The following RBCK1 variants were observed in gnomAD, a reference collection of about 807,000 sequenced individuals.
RBCK1 encodes RANBP2-type and C3HC4-type zinc finger containing 1, also known as ranBP-type and C3HC4-type zinc finger-containing protein 1.
A neutral mutation model predicts 71.1 loss-of-function variants in RBCK1; 44 were observed. The ratio of observed to expected loss-of-function variants is 0.62; its 90% CI spans 0.49 to 0.80. RBCK1 has a LOEUF of 0.80. Ranked by LOEUF, RBCK1 falls within the 30% of genes least tolerant of loss-of-function variation. RBCK1 has a pLI of 0.00. For synonymous variants in RBCK1, 306 were observed against 279.7 expected (o/e 1.09, Z -0.94); for missense variants, 569 against 685.0 (o/e 0.83, Z 1.89).
At chr20:409,431 T>G (rs550987081) in intron 1 of RBCK1, among the ~76,000 whole-genome samples, 2 of 151,766 alleles carry the variant, frequency 1.3e-5, no homozygotes, top group African/African-American at 4.8e-5. Flanking sequence ...CTCCTTAACC[T>G]GTTTATTTCC....
chr20:411,962 T>TTG (rs1313568736), intron 2 of RBCK1, among the ~76,000 whole-genome samples: 11 of 152,284 alleles, frequency 7.2e-5, no homozygotes, highest in African/African-American at 1.4e-4. Flanking sequence ...GTCCAACTTT[T>TTG]TGTGTGGACA....
At chr20:416,756 G>A (rs970864513) in intron 2 of RBCK1, among the ~76,000 whole-genome samples, 3 of 152,242 alleles carry the variant, frequency 2.0e-5, no homozygotes, top group Middle Eastern at 3.4e-3. Context: ...TCCCACTTCG[G>A]GAGGCCAAGG....
In RBCK1 at chr20:419,673, A is replaced by ACGAGGAGGAGCGAGCGCGCCTGGCGGG; in HGVS notation, c.709_735dup (p.Arg237_Glu245dup). On this transcript the variant is annotated inframe_insertion, in exon 6 of 12. Coordinates refer to ENST00000356286, the MANE Select transcript of RBCK1 (RefSeq NM_031229.4). ...CAGGTCCCCGCCTCATACCAGCCCG[A>ACGAGGAGGAGCGAGCGCGCCTGGCGGG]CGAGGAGGAGCGAGCGCGCCTGGCG... The ACGAGGAGGAGCGAGCGCGCCTGGCGGG allele has an allele frequency of 6.3e-7, 1 of 1,581,046 alleles. No homozygotes were observed. Among genetic ancestry groups the ACGAGGAGGAGCGAGCGCGCCTGGCGGG allele is most frequent in the Non-Finnish European group, 8.6e-7 (1 of 1,166,242 alleles).
At chr20:421,807 C>A in intron 7 of RBCK1, 1 of 326,678 alleles carries the variant, frequency 3.1e-6, no homozygotes, top group Admixed American at 4.4e-5. Context: ...GGATGGGAGT[C>A]ACTGGGGAGA....
rs966520393 is a variant in RBCK1 at position 422,973 on chromosome 20, C to A, written c.1029+735C>A. Among the ~76,000 whole-genome samples, 1 of 152,148 alleles carries A rather than the reference C, an allele frequency of 6.6e-6. No homozygotes were observed. The highest frequency in any genetic ancestry group is 2.4e-5 in the African/African-American group (1 of 41,432). ...GTTACAGCTTCTATTTCCAGGATTGCAAAGATTACAGTAGAGGATATGTGT... is the reference window on the plus strand; with the variant it reads ...GTTACAGCTTCTATTTCCAGGATTGAAAAGATTACAGTAGAGGATATGTGT... On this transcript the variant is annotated intron_variant, in intron 8 of 11. Coordinates refer to ENST00000356286, the MANE Select transcript of RBCK1 (RefSeq NM_031229.4). The surrounding 1 kb of genome is among the most constrained non-coding windows in gnomAD (Gnocchi z 5.0).
chr20:429,957 C>T (rs955859593), intron 11 of RBCK1, among the ~76,000 whole-genome samples: 29 of 152,206 alleles, frequency 1.9e-4, no homozygotes, highest in African/African-American at 6.8e-4. Flanking sequence ...AAGAGAAGTG[C>T]TTAGAGAGCC....
At position 422,455 on chromosome 20, in the gene RBCK1, G is replaced by C. The variant is rs2016496411; in HGVS notation, c.1029+217G>C. Among the ~76,000 whole-genome samples the C allele has an allele frequency of 6.6e-6, 1 of 151,938 alleles. No homozygotes were observed. ...GAGCTTTGTCCATGTGGGGTGTTGA[G>C]ACCCCAAGCAGAAAAAGAATTGAGG... On this transcript the variant is annotated intron_variant, in intron 8 of 11. Transcript: ENST00000356286. The surrounding 1 kb of genome is among the most constrained non-coding windows in gnomAD (Gnocchi z 5.0).
chr20:423,973 G>A (rs1273068523), intron 8 of RBCK1, among the ~76,000 whole-genome samples: 1 of 152,190 alleles, frequency 6.6e-6, no homozygotes, highest in Non-Finnish European at 1.5e-5. Context: ...GCCATGGGGA[G>A]CCCCAGTGCA....
Position 414,372 on chromosome 20 carries a change from T to C in RBCK1, c.168-3154T>C, listed in dbSNP as rs374741074. Among the ~76,000 whole-genome samples, 36 of 152,282 alleles carry C rather than the reference T, an allele frequency of 2.4e-4. No individual in the cohort carries two copies. The South Asian group carries it at 7.5e-3, about 32-fold the overall frequency. On this transcript the variant is annotated intron_variant, in intron 2 of 11. Coordinates refer to ENST00000356286, the MANE Select transcript of RBCK1 (RefSeq NM_031229.4). Reference sequence around the variant, plus strand: ...GGTTGCAGTGAGCCATGATCATGCCTGAGTGACAAGGTGAAACCCTGTCTC... The same window carrying C: ...GGTTGCAGTGAGCCATGATCATGCCCGAGTGACAAGGTGAAACCCTGTCTC...
intron 2 of RBCK1, among the ~76,000 whole-genome samples, chr20:411,743 T>G (rs1315810490): frequency 2.0e-5 from 3 of 152,206 alleles, no homozygotes; most frequent in Non-Finnish European, 4.4e-5. Flanking sequence ...AACTTCTGGC[T>G]TAAGCAGTCT....
Position 410,358 on chromosome 20 carries a change from A to G in RBCK1, c.167+333A>G, listed in dbSNP as rs148822498. The G allele has an allele frequency of 3.6e-4, 276 of 768,124 alleles. No individual in the cohort carries two copies. In the African/African-American group the frequency reaches 4.2e-3, roughly 12 times the overall value. The allele number at this position is 768,124 out of a possible 1,614,324, so 47.6% of individuals were successfully genotyped here. On this transcript the variant is annotated intron_variant, in intron 2 of 11. Coordinates refer to ENST00000356286, the MANE Select transcript of RBCK1 (RefSeq NM_031229.4). The stretch of plus-strand genomic sequence containing the variant: ...TCCAGATAGGGAGGTTCTGCTCCCG[A>G]CAGTCCTCAGAGGCTCATATTGTTT...
chr20:417,124 T>C lies in RBCK1; in HGVS notation c.168-402T>C, dbSNP rs2016035022. The C allele has an allele frequency of 2.2e-6, 1 of 459,028 alleles. No homozygotes were observed. The highest frequency in any genetic ancestry group is 2.0e-5 in the African/African-American group (1 of 49,964). The allele number at this position is 459,028 out of a possible 1,614,324, so 28.4% of individuals were successfully genotyped here. A position where few individuals can be genotyped will look rare whatever the true frequency, so the allele number is the denominator to read the frequency against. ...CAGGGATACAGCAGTACCTGTCTGA[T>C]GGGTTGGTTGAGAGGATTAAATGAG... On this transcript the variant is annotated intron_variant, in intron 2 of 11. Coordinates refer to ENST00000356286, the MANE Select transcript of RBCK1 (RefSeq NM_031229.4). The surrounding 1 kb of genome is among the most constrained non-coding windows in gnomAD (Gnocchi z 4.7).
At chr20:410,640 A>T in intron 2 of RBCK1, 1 of 745,938 alleles carries the variant, frequency 1.3e-6, no homozygotes, top group Non-Finnish European at 2.5e-6. Flanking sequence ...TTCGCTTGGT[A>T]AGGGAAGGGA....
rs2015500942 is a variant in RBCK1, at chr20:408,484, G to A, written c.-274G>A. ...TCCTTTCCCCGCTTCTTCCCACCTC[G>A]GCTGGTCCCGTTTCCTCCTGCGCCC... On this transcript the variant is annotated 5_prime_UTR_variant, in exon 1 of 12. Transcript: ENST00000356286. The A allele has an allele frequency of 1.8e-6, 1 of 544,444 alleles. No homozygotes were observed. Among genetic ancestry groups the A allele is most frequent in the Non-Finnish European group, 3.2e-6 (1 of 308,318 alleles). The allele number at this position is 544,444 out of a possible 1,614,324, so 33.7% of individuals were successfully genotyped here.
At chr20:414,671 G>T (rs1291715785) in intron 2 of RBCK1, among the ~76,000 whole-genome samples, 1 of 152,140 alleles carries the variant, frequency 6.6e-6, no homozygotes, top group African/African-American at 2.4e-5. Context: ...GATTCTAAAA[G>T]TGTAACACTA....
At chr20:415,989 T>G (rs942287843) in intron 2 of RBCK1, among the ~76,000 whole-genome samples, 1 of 152,196 alleles carries the variant, frequency 6.6e-6, no homozygotes, top group Admixed American at 6.5e-5. Context: ...GCTGCCCCTA[T>G]GACCCAAACA....
chr20:416,696 T>C (rs1025553775), intron 2 of RBCK1, among the ~76,000 whole-genome samples: 4 of 152,050 alleles, frequency 2.6e-5, no homozygotes, highest in African/African-American at 7.2e-5. Context: ...AATAATACCA[T>C]GTAGATTTAA....
chr20:431,093 G>A lies in RBCK1; in HGVS notation c.*663G>A, dbSNP rs1446886225. 2 of 152,436 alleles carry A rather than the reference G, an allele frequency of 1.3e-5. No individual in the cohort carries two copies. Among genetic ancestry groups the A allele is most frequent in the African/African-American group, 2.4e-5 (1 of 41,458 alleles). 9.4% of individuals were successfully genotyped at this position (152,436 alleles called of 1,614,324 possible). On this transcript the variant is annotated 3_prime_UTR_variant, in exon 12 of 12. Coordinates refer to ENST00000356286, the MANE Select transcript of RBCK1 (RefSeq NM_031229.4). This position sits in a 1 kb window ranked among gnomAD's most constrained non-coding sequence, Gnocchi z 4.8. ...CTTGTCAGTCCATCTGTGGTAGAAT[G>A]AGGCTGTGACTGAGCACTGGGACCT...
At chr20:425,200 G>A (rs751840773) in intron 8 of RBCK1, among the ~76,000 whole-genome samples, 15 of 152,124 alleles carry the variant, frequency 9.9e-5, no homozygotes, top group South Asian at 2.1e-4. Context: ...CAGTACAGAC[G>A]AGTTTTCACC....
Sources: gnomAD v4.1 joint callset for allele counts (sites outside exome capture counted in the v4.1 genomes callset) on GRCh38, gnomAD v4.1.1 for gene constraint, Gnocchi (gnomAD v3.1) non-coding constraint, MANE v1.5 for transcripts, NCBI Gene and HGNC (gene_info 2026-07-23, HGNC 2026-07-21) for gene names.